TBCD: variants seen among roughly 807,000 people sequenced by gnomAD.
The protein encoded by TBCD is tubulin-specific chaperone D.
Under a neutral mutation model 169.3 loss-of-function variants are expected in TBCD, and 105 were observed. The ratio of observed to expected loss-of-function variants is 0.62; its 90% CI spans 0.53 to 0.73. The LOEUF is 0.73. TBCD is among the 30% of genes least tolerant of loss of function. TBCD has a pLI of 0.00. For synonymous variants in TBCD, 700 were observed against 643.9 expected, an observed-to-expected ratio of 1.09 and a Z score of -1.32; for missense variants, 1,444 against 1,600.1, an observed-to-expected ratio of 0.90 and a Z score of 1.66.
chr17:82,868,551 G>A (rs1320162980), intron 13 of TBCD, among the ~76,000 whole-genome samples: 1 of 152,198 alleles, frequency 6.6e-6, no homozygotes, highest in Non-Finnish European at 1.5e-5. Flanking sequence ...GTTTTAGTAA[G>A]TGTATAAACG....
chr17:82,926,353 C>T (rs1463489644), intron 27 of TBCD, 47 bp from the exon 28 acceptor site: 3 of 1,590,432 alleles, frequency 1.9e-6, no homozygotes, highest in Non-Finnish European at 2.6e-6. Flanking sequence ...AAAGAGTGCA[C>T]TTTGTTATAG....
At chr17:82,862,371 G>A (rs540369748) in intron 13 of TBCD, among the ~76,000 whole-genome samples, 17 of 151,928 alleles carry the variant, frequency 1.1e-4, no homozygotes, top group African/African-American at 3.6e-4. Flanking sequence ...GCCTCTCGGC[G>A]GAGGAAGCCG....
chr17:82,840,983 T>TTTTG (rs2054469352), intron 13 of TBCD, among the ~76,000 whole-genome samples: 1 of 120,760 alleles, frequency 8.3e-6, no homozygotes, highest in Non-Finnish European at 1.7e-5. Flanking sequence ...TTTTTTTTTT[T>TTTTG]GAGACAGAGT....
intron 13 of TBCD, among the ~76,000 whole-genome samples, chr17:82,836,241 G>A (rs1231751221): frequency 1.3e-5 from 2 of 152,248 alleles, no homozygotes; most frequent in South Asian, 2.1e-4. Flanking sequence ...GGGCCAGCCA[G>A]CTCAGTCAGT....
chr17:82,870,181 G>A lies in TBCD; in HGVS notation c.1319-43G>A, dbSNP rs3744161. The A allele has an allele frequency of 0.56, 906,254 of 1,609,494 alleles. 258,531 individuals are homozygous for A. The highest frequency in any genetic ancestry group is 0.74 in the East Asian group (33,071 of 44,836). ...TTCTCTGAAGCCTCACGTGTTGCCC[G>A]TGTGGTCTGCTCCTCACCGTCTTTT... On this transcript the variant is annotated intron_variant, in intron 13 of 38. Coordinates refer to ENST00000355528, the MANE Select transcript of TBCD (RefSeq NM_005993.5).
At chr17:82,852,347 C>A (rs1477755300) in intron 13 of TBCD, among the ~76,000 whole-genome samples, 2 of 152,158 alleles carry the variant, frequency 1.3e-5, no homozygotes, top group African/African-American at 4.8e-5. Context: ...CCTGTTCCAT[C>A]GTGTGGCATC....
intron 23 of TBCD, among the ~76,000 whole-genome samples, chr17:82,917,045 G>T (rs1211440759): frequency 4.0e-5 from 3 of 75,246 alleles, no homozygotes; most frequent in African/African-American, 1.3e-4. Flanking sequence ...TTTTGAGTTG[G>T]AGTCTTGCTC....
intron 18 of TBCD, among the ~76,000 whole-genome samples, chr17:82,901,448 G>A (rs1268798122): frequency 2.0e-5 from 3 of 152,082 alleles, no homozygotes; most frequent in Admixed American, 1.3e-4. Flanking sequence ...TGGGGGATGC[G>A]TTTGCTGCTG....
At chr17:82,788,460 T>G (rs2049465741) in intron 7 of TBCD, among the ~76,000 whole-genome samples, 1 of 152,116 alleles carries the variant, frequency 6.6e-6, no homozygotes, top group African/African-American at 2.4e-5. Flanking sequence ...GGTAATAGGA[T>G]GCTCTTCCCC....
intron 14 of TBCD, among the ~76,000 whole-genome samples, chr17:82,883,137 T>G (rs9747628): frequency 6.6e-6 from 1 of 152,206 alleles, no homozygotes; most frequent in African/African-American, 2.4e-5. Context: ...GCGTCCTTCA[T>G]GTTGACGCGG....
rs1051403580 is a variant in TBCD at position 82,782,468 on chromosome 17, C to T, written c.771+747C>T. Among the ~76,000 whole-genome samples the T allele has an allele frequency of 6.6e-6, 1 of 152,098 alleles. No individual in the cohort carries two copies. The highest frequency in any genetic ancestry group is 1.5e-5 in the Non-Finnish European group (1 of 68,026). Reference sequence around the variant, plus strand: ...CTCATCCTTGTCTCACGCTGTGGAGCCTGTGGTCCCTCTGAGGAGCGGGGC... The same window carrying T: ...CTCATCCTTGTCTCACGCTGTGGAGTCTGTGGTCCCTCTGAGGAGCGGGGC... On this transcript the variant is annotated intron_variant, in intron 7 of 38. Transcript: ENST00000355528. The surrounding 1 kb of genome is among the most constrained non-coding windows in gnomAD (Gnocchi z 5.1).
At chr17:82,788,543 A>G (rs1296898122) in intron 7 of TBCD, among the ~76,000 whole-genome samples, 1 of 152,160 alleles carries the variant, frequency 6.6e-6, no homozygotes, top group Non-Finnish European at 1.5e-5. Flanking sequence ...ACAAAAGCAC[A>G]ACTCTTGTTA....
intron 27 of TBCD, 61 bp from the exon 28 acceptor site, chr17:82,926,339 C>A: frequency 6.5e-7 from 1 of 1,530,330 alleles, no homozygotes; most frequent in East Asian, 2.3e-5. Context: ...ATTGCCACCT[C>A]CCTAAAGAGT....
At chr17:82,940,757 TTTAAAAAAAA>T (rs1210974451) in intron 37 of TBCD, among the ~76,000 whole-genome samples, 11 of 151,684 alleles carry the variant, frequency 7.3e-5, no homozygotes, top group African/African-American at 2.4e-4. Context: ...CAATGATTTT[TTTAAAAAAAA>T]ACACCAAGGT....
At chr17:82,824,602 C>G (rs754788456) in intron 13 of TBCD, among the ~76,000 whole-genome samples, 1 of 152,222 alleles carries the variant, frequency 6.6e-6, no homozygotes, top group Non-Finnish European at 1.5e-5. Context: ...GAGCGACTCT[C>G]CCACCTCAGC....
chr17:82,945,579 C>A lies in TBCD; in HGVS notation c.*3116C>A, dbSNP rs1284003627. ...CACAGCATAACATTAAAGAAGAGAA[C>A]AAAATTAAGTCATTTAGATAAAAAT... is the stretch of plus-strand genomic sequence containing the variant. On this transcript the variant is annotated 3_prime_UTR_variant, in exon 39 of 39. Transcript: ENST00000355528. The A allele has an allele frequency of 6.6e-6, 1 of 152,164 alleles. No individual in the cohort carries two copies. Among genetic ancestry groups the A allele is most frequent in the African/African-American group, 2.4e-5 (1 of 41,424 alleles). The allele number at this position is 152,164 out of a possible 1,614,324, so 9.4% of individuals were successfully genotyped here. A position where few individuals can be genotyped will look rare whatever the true frequency, so the allele number is the denominator to read the frequency against.
intron 13 of TBCD, among the ~76,000 whole-genome samples, chr17:82,821,276 T>C (rs183195325): frequency 3.8e-4 from 58 of 152,356 alleles, no homozygotes; most frequent in African/African-American, 1.2e-3. Flanking sequence ...CATTCCATGT[T>C]AGTTTAAATG....
chr17:82,854,251 G>A (rs1054096533), intron 13 of TBCD, among the ~76,000 whole-genome samples: 2 of 152,218 alleles, frequency 1.3e-5, no homozygotes, highest in Admixed American at 1.3e-4. Flanking sequence ...GTGATGGGCT[G>A]CAGTCAAAAC....
chr17:82,809,444 C>T (rs1182592561), intron 11 of TBCD, among the ~76,000 whole-genome samples: 3 of 152,276 alleles, frequency 2.0e-5, no homozygotes, highest in East Asian at 1.9e-4. Context: ...TGGCCTGCAG[C>T]GTCCGCGTTA....
Sources: gnomAD v4.1 joint callset for allele counts (sites outside exome capture counted in the v4.1 genomes callset) on GRCh38, gnomAD v4.1.1 for gene constraint, Gnocchi (gnomAD v3.1) non-coding constraint, MANE v1.5 for transcripts, NCBI Gene and HGNC (gene_info 2026-07-23, HGNC 2026-07-21) for gene names.